The following PDZRN4 variants were observed in gnomAD, a reference collection of about 807,000 sequenced individuals.
PDZRN4 encodes PDZ domain-containing RING finger protein 4.
Under a neutral mutation model 99.0 loss-of-function variants are expected in PDZRN4, and 70 were observed. That is an observed-to-expected ratio of 0.71 (90% CI 0.58 to 0.86). PDZRN4 has a LOEUF of 0.86. PDZRN4 is among the 40% of genes least tolerant of loss of function. PDZRN4 has a pLI of 0.00. For synonymous variants in PDZRN4, 551 were observed against 501.6 expected, an observed-to-expected ratio of 1.10 and a Z score of -1.32; for missense variants, 1,474 against 1,331.2, an observed-to-expected ratio of 1.11 and a Z score of -1.67.
At chr12:41,205,928 A>T (rs912260913) in intron 3 of PDZRN4, among the ~76,000 whole-genome samples, 3 of 151,926 alleles carry the variant, frequency 2.0e-5, no homozygotes, top group African/African-American at 7.2e-5. Context: ...TGACTTTTAT[A>T]TAAATAGAAT....
intron 5 of PDZRN4, among the ~76,000 whole-genome samples, chr12:41,525,604 A>G (rs951223049): frequency 1.3e-5 from 2 of 152,194 alleles, no homozygotes; most frequent in African/African-American, 4.8e-5. Context: ...ATATAGGTAT[A>G]GACAGATCTA....
chr12:41,453,506 G>A (rs141207684), intron 3 of PDZRN4, among the ~76,000 whole-genome samples: 100 of 152,302 alleles, frequency 6.6e-4, no homozygotes, highest in African/African-American at 2.4e-3. Flanking sequence ...AATTGTGTCT[G>A]GAGATTGATT....
At chr12:41,392,912 T>C (rs1317842800) in intron 3 of PDZRN4, among the ~76,000 whole-genome samples, 2 of 152,192 alleles carry the variant, frequency 1.3e-5, no homozygotes, top group Non-Finnish European at 2.9e-5. Context: ...GCAATGCTCT[T>C]AGCCACTGCA....
At chr12:41,194,214 T>C (rs1486627915) in intron 3 of PDZRN4, 26 bp downstream of exon 3, 5 of 991,456 alleles carry the variant, frequency 5.0e-6, no homozygotes, top group Admixed American at 1.7e-5. Flanking sequence ...AACATGTATA[T>C]GATCCATGCA....
At chr12:41,227,648 G>A (rs891630839) in intron 3 of PDZRN4, among the ~76,000 whole-genome samples, 4 of 151,928 alleles carry the variant, frequency 2.6e-5, no homozygotes, top group African/African-American at 4.8e-5. Flanking sequence ...CTTGACAACA[G>A]AGCCAGACCC....
intron 4 of PDZRN4, among the ~76,000 whole-genome samples, chr12:41,507,211 C>A (rs1938223235): frequency 1.3e-5 from 2 of 151,980 alleles, no homozygotes; most frequent in Admixed American, 1.3e-4. Context: ...AAGCACTTAC[C>A]CAATATATTG....
At chr12:41,454,986 G>A (rs548657021) in intron 3 of PDZRN4, among the ~76,000 whole-genome samples, 3 of 152,330 alleles carry the variant, frequency 2.0e-5, no homozygotes, top group Admixed American at 6.5e-5. Flanking sequence ...GGTCATTTTA[G>A]CCAATTTAAA....
At position 41,440,305 on chromosome 12, in the gene PDZRN4, T is replaced by A. The variant is rs568209360; in HGVS notation, c.844-66151T>A. On this transcript the variant is annotated intron_variant, in intron 3 of 9. Coordinates refer to ENST00000402685, the MANE Select transcript of PDZRN4 (RefSeq NM_001164595.2). Reference sequence around the variant, plus strand: ...GCAAAATAAAGTTTACCAGGAGATATGAAAATTTAAGATTAGCAGCGATCA... The same window carrying A: ...GCAAAATAAAGTTTACCAGGAGATAAGAAAATTTAAGATTAGCAGCGATCA... Among the ~76,000 whole-genome samples the A allele has an allele frequency of 7.9e-5, 12 of 152,216 alleles. No homozygotes were observed. In the East Asian group the frequency reaches 2.3e-3, roughly 29 times the overall value.
intron 3 of PDZRN4, among the ~76,000 whole-genome samples, chr12:41,458,949 G>T (rs190111472): frequency 6.6e-6 from 1 of 152,290 alleles, no homozygotes; most frequent in East Asian, 1.9e-4. Context: ...GATGGACATT[G>T]GCACTGAGAT....
chr12:41,263,116 ATG>A (rs960546523), intron 3 of PDZRN4, among the ~76,000 whole-genome samples: 11 of 151,500 alleles, frequency 7.3e-5, no homozygotes, highest in Non-Finnish European at 1.0e-4. Context: ...AGCAAAAATA[ATG>A]TGTGTGTGTG....
chr12:41,436,739 G>A (rs775329156), intron 3 of PDZRN4, among the ~76,000 whole-genome samples: 123 of 152,292 alleles, frequency 8.1e-4, no homozygotes, highest in Non-Finnish European at 1.5e-3. Context: ...GTATTTGCAA[G>A]AGTGTGAAAT....
chr12:41,339,310 G>A (rs1055750998), intron 3 of PDZRN4, among the ~76,000 whole-genome samples: 2 of 152,020 alleles, frequency 1.3e-5, no homozygotes, highest in African/African-American at 4.8e-5. Flanking sequence ...AAGTTGCCAA[G>A]AACACATGTT....
chr12:41,523,917 T>G (rs1212859244), intron 5 of PDZRN4, among the ~76,000 whole-genome samples: 1 of 152,158 alleles, frequency 6.6e-6, no homozygotes, highest in Non-Finnish European at 1.5e-5. Context: ...ATAAAATCTG[T>G]GCATGTTTAA....
At chr12:41,563,456 T>C (rs1939308601) in intron 7 of PDZRN4, 92 bp from the exon 8 acceptor site, 2 of 919,812 alleles carry the variant, frequency 2.2e-6, no homozygotes, top group Non-Finnish European at 3.5e-6. Context: ...TCATTGTCCA[T>C]ACATTTACCA....
intron 3 of PDZRN4, among the ~76,000 whole-genome samples, chr12:41,477,541 G>A (rs957434947): frequency 6.6e-6 from 1 of 152,170 alleles, no homozygotes; most frequent in Non-Finnish European, 1.5e-5. Flanking sequence ...GACAATTGTG[G>A]CATAGTTTGA....
chr12:41,470,510 T>C (rs1033666358), intron 3 of PDZRN4, among the ~76,000 whole-genome samples: 2 of 152,080 alleles, frequency 1.3e-5, no homozygotes, highest in South Asian at 2.1e-4. Context: ...TTAATTTAAT[T>C]ATTATTATAC....
chr12:41,396,165 T>C (rs1952244346), intron 3 of PDZRN4, among the ~76,000 whole-genome samples: 1 of 152,162 alleles, frequency 6.6e-6, no homozygotes, highest in African/African-American at 2.4e-5. Context: ...AATTTATTAA[T>C]TTTCATGTTA....
chr12:41,524,379 T>A (rs1330223079), intron 5 of PDZRN4, among the ~76,000 whole-genome samples: 2 of 152,182 alleles, frequency 1.3e-5, no homozygotes, highest in Non-Finnish European at 2.9e-5. Flanking sequence ...ACAGGTATTA[T>A]AACTATTCCC....
intron 3 of PDZRN4, among the ~76,000 whole-genome samples, chr12:41,340,371 A>T (rs572801112): frequency 6.6e-6 from 1 of 152,196 alleles, no homozygotes; most frequent in African/African-American, 2.4e-5. Context: ...TGGAATCTAA[A>T]ACTAAAAGCA....
Sources: allele counts gnomAD v4.1 joint callset (sites outside exome capture counted in the v4.1 genomes callset), GRCh38; gene constraint gnomAD v4.1.1; transcripts MANE v1.5; gene names NCBI Gene and HGNC (gene_info 2026-07-23, HGNC 2026-07-21).